The following UPF1 variants were observed in gnomAD, a reference collection of about 807,000 sequenced individuals.
UPF1 encodes the protein UPF1 RNA helicase and ATPase.
A neutral mutation model predicts 129.2 loss-of-function variants in UPF1; 9 were observed. The observed-to-expected ratio is 0.07, with a 90% CI of 0.04 to 0.12. UPF1 has a LOEUF of 0.12. UPF1 is among the 10% of genes least tolerant of loss of function. The pLI is 1.00. For synonymous variants in UPF1, 649 were observed against 644.9 expected (o/e 1.01, Z -0.10); for missense variants, 788 against 1,525.3 (o/e 0.52, Z 8.05).
intron 8 of UPF1, among the ~76,000 whole-genome samples, chr19:18,854,065 G>A (rs549322200): frequency 6.1e-4 from 93 of 152,252 alleles, no homozygotes; most frequent in Middle Eastern, 3.4e-3. Context: ...TCGAGGGAAG[G>A]GTGTTGCCTA....
Position 18,865,363 on chromosome 19 carries a change from G to A in UPF1, c.2932G>A (p.Ala978Thr), listed in dbSNP as rs759994536. 2 of 1,614,094 alleles carry A rather than the reference G, an allele frequency of 1.2e-6. No individual in the cohort carries two copies. Among genetic ancestry groups the A allele is most frequent in the Non-Finnish European group, 1.7e-6 (2 of 1,180,028 alleles). ...MISAGPSHVAAMNIPIPFNLV... is the reference protein window; with the variant it reads ...MISAGPSHVATMNIPIPFNLV... ...CAGTGCCGGCCCTAGCCACGTGGCT[G>A]CCATGAACATTCCCATCCCCTTCAA... The change falls in exon 21 of 24, where the codon GCC becomes ACC. Residue 978 changes from alanine to threonine, a missense_variant. By Grantham distance (58) the Ala-to-Thr change is moderately conservative. Transcript: ENST00000262803. The surrounding 1 kb of genome is among the most constrained non-coding windows in gnomAD (Gnocchi z 6.1).
chr19:18,843,125 C>A (rs2055559094), intron 1 of UPF1, among the ~76,000 whole-genome samples: 1 of 152,200 alleles, frequency 6.6e-6, no homozygotes, highest in African/African-American at 2.4e-5. Flanking sequence ...GCCTGGCCTC[C>A]TGCCCTCTCT....
chr19:18,842,678 T>C (rs1292630320), intron 1 of UPF1, among the ~76,000 whole-genome samples: 1 of 152,026 alleles, frequency 6.6e-6, no homozygotes, highest in East Asian at 1.9e-4. Flanking sequence ...TCCCCTTTTT[T>C]TCCTTTACAA....
intron 1 of UPF1, among the ~76,000 whole-genome samples, chr19:18,836,817 A>G (rs1009865855): frequency 2.0e-5 from 3 of 147,340 alleles, no homozygotes; most frequent in Admixed American, 6.9e-5. Flanking sequence ...GCAGTGGCAC[A>G]ATCTTGGCTC....
intron 17 of UPF1, among the ~76,000 whole-genome samples, chr19:18,861,407 A>G (rs978709608): frequency 1.3e-5 from 2 of 152,238 alleles, no homozygotes; most frequent in African/African-American, 4.8e-5. Flanking sequence ...CTCTGCCTCC[A>G]TGAGGAAATG....
At chr19:18,855,839 C>A (rs1427473722) in intron 11 of UPF1, 86 bp from the exon 12 acceptor site, 7 of 1,527,160 alleles carry the variant, frequency 4.6e-6, no homozygotes, top group Non-Finnish European at 5.3e-6. Flanking sequence ...CAGAGCAAGA[C>A]CCTGTCTCAA....
At position 18,855,401 on chromosome 19, in the gene UPF1, G is replaced by A. The variant is rs140597993; in HGVS notation, c.1544+159G>A. 1.6e-4 allele frequency: 123 copies of A among 775,232 alleles called. No homozygotes were observed. The African/African-American group carries it at 1.7e-3, about 11-fold the overall frequency. The allele number at this position is 775,232 out of a possible 1,614,324, so 48.0% of individuals were successfully genotyped here. On this transcript the variant is annotated intron_variant, in intron 11 of 23. Coordinates refer to ENST00000262803, the MANE Select transcript of UPF1 (RefSeq NM_002911.4). Reference sequence around the variant, plus strand: ...TACCGCTCTCTATGTGACATTATTCGTGTCAGCTCCAACCTTAGGATTGCA... The same window carrying A: ...TACCGCTCTCTATGTGACATTATTCATGTCAGCTCCAACCTTAGGATTGCA...
In UPF1 at chr19:18,846,592, A is replaced by G. The variant is rs112427060; in HGVS notation, c.371+473A>G. Among the ~76,000 whole-genome samples, 1,140 of 152,222 alleles carry G rather than the reference A, an allele frequency of 7.5e-3. 14 individuals are homozygous for G. The highest frequency in any genetic ancestry group is 0.026 in the African/African-American group (1,089 of 41,534). On this transcript the variant is annotated intron_variant, in intron 2 of 23. Coordinates refer to ENST00000262803, the MANE Select transcript of UPF1 (RefSeq NM_002911.4). The stretch of plus-strand genomic sequence containing the variant: ...GACAGTAGTTAGTGGATAGACCTGC[A>G]TGTTGACAAATTTAGAATTCTCATC...
chr19:18,856,546 C>A (rs2055720233), intron 13 of UPF1, among the ~76,000 whole-genome samples: 1 of 152,170 alleles, frequency 6.6e-6, no homozygotes, highest in Non-Finnish European at 1.5e-5. Flanking sequence ...ATCTAGAACA[C>A]TCCTGCTCTT....
In UPF1 at chr19:18,846,018, C is replaced by A; in HGVS notation, c.270C>A (p.Asp90Glu). 6.2e-7 allele frequency: 1 copy of A among 1,614,086 alleles called. No homozygotes were observed. Residue 90 changes from aspartate to glutamate, a missense_variant, in exon 2 of 24, where the codon GAC (aspartate) becomes GAA (glutamate). Physicochemically the swap from Asp to Glu is conservative, Grantham distance 45. Transcript: ENST00000262803. Reference sequence around the variant, plus strand: ...GCATCCTGCAGAACGGGGCTGTGGACGACAGTGTAGCCAAGACCAGCCAGT... The same window carrying A: ...GCATCCTGCAGAACGGGGCTGTGGAAGACAGTGTAGCCAAGACCAGCCAGT... ...PEGILQNGAV[D>E]DSVAKTSQLL... is the part of the protein sequence containing the mutation.
intron 13 of UPF1, 29 bp from the exon 14 acceptor site, chr19:18,856,848 T>C (rs1313038641): frequency 1.3e-6 from 2 of 1,596,900 alleles, no homozygotes; most frequent in Admixed American, 1.7e-5. Flanking sequence ...ACAGTGCAGG[T>C]GCCCTGATGC....
intron 19 of UPF1, 117 bp downstream of exon 19, chr19:18,863,729 A>G: frequency 3.0e-6 from 2 of 672,054 alleles, no homozygotes; most frequent in Non-Finnish European, 4.4e-6. Context: ...CTCCTAGGGG[A>G]GGGTGGGCTC....
chr19:18,845,931 A>G, intron 1 of UPF1, 49 bp from the exon 2 acceptor site: 1 of 1,602,664 alleles, frequency 6.2e-7, no homozygotes, highest in South Asian at 1.1e-5. Context: ...TTCTGCACTG[A>G]GTCCTGGAAG....
In UPF1 at chr19:18,853,034, G is replaced by A. The variant is rs768745746; in HGVS notation, c.1020G>A (p.Lys340=). The change falls in exon 7 of 24, where the codon AAG becomes AAA. Residue 340 remains lysine, a synonymous_variant. Coordinates refer to ENST00000262803, the MANE Select transcript of UPF1 (RefSeq NM_002911.4). The surrounding 1 kb of genome is among the most constrained non-coding windows in gnomAD (Gnocchi z 4.4). ...TVRWDLGLNK[K]RIAYFTLPKT... ...GGTGGGACCTGGGCCTTAACAAGAAGAGAATCGCCTACTTCACTTTGCCCA... is the reference window on the plus strand; with the variant it reads ...GGTGGGACCTGGGCCTTAACAAGAAAAGAATCGCCTACTTCACTTTGCCCA... 2.8e-5 allele frequency: 45 copies of A among 1,614,052 alleles called. No individual in the cohort carries two copies. Among genetic ancestry groups the A allele is most frequent in the Non-Finnish European group, 3.7e-5 (44 of 1,180,044 alleles).
At chr19:18,838,431 C>T (rs941339908) in intron 1 of UPF1, among the ~76,000 whole-genome samples, 3 of 152,078 alleles carry the variant, frequency 2.0e-5, no homozygotes, top group South Asian at 2.1e-4. Context: ...GGTGAATCAC[C>T]GGAGGTCAGG....
intron 13 of UPF1, 62 bp downstream of exon 13, chr19:18,856,362 G>T: frequency 6.8e-7 from 1 of 1,467,300 alleles, no homozygotes; most frequent in Non-Finnish European, 9.3e-7. Context: ...TTTTTGTTTG[G>T]GCCAAAGCAC....
At chr19:18,834,516 G>A (rs1318828532) in intron 1 of UPF1, among the ~76,000 whole-genome samples, 1 of 152,140 alleles carries the variant, frequency 6.6e-6, no homozygotes, top group Non-Finnish European at 1.5e-5. Context: ...ACGCTCCCCT[G>A]GAGGTAAACA....
At chr19:18,838,606 C>T (rs1011763197) in intron 1 of UPF1, among the ~76,000 whole-genome samples, 1 of 152,104 alleles carries the variant, frequency 6.6e-6, no homozygotes, top group African/African-American at 2.4e-5. Context: ...TGAGATTGTG[C>T]CATTGCACTC....
intron 1 of UPF1, among the ~76,000 whole-genome samples, chr19:18,835,320 G>C (rs1171705241): frequency 6.6e-6 from 1 of 152,054 alleles, no homozygotes; most frequent in African/African-American, 2.4e-5. Context: ...GTTCATCCAC[G>C]CTGTGGTATG....
Sources: gnomAD v4.1 joint callset for allele counts (sites outside exome capture counted in the v4.1 genomes callset) on GRCh38, gnomAD v4.1.1 for gene constraint, Gnocchi (gnomAD v3.1) non-coding constraint, MANE v1.5 for transcripts, NCBI Gene and HGNC (gene_info 2026-07-23, HGNC 2026-07-21) for gene names.